CSMD3: variants seen among roughly 807,000 people sequenced by gnomAD.
CSMD3 encodes CUB and sushi domain-containing protein 3.
Under a neutral mutation model 435.2 loss-of-function variants are expected in CSMD3, and 177 were observed. The observed-to-expected ratio is 0.41, with a 90% CI of 0.36 to 0.46. CSMD3 has a LOEUF of 0.46. Ranked by LOEUF, CSMD3 falls within the 20% of genes least tolerant of loss-of-function variation. The probability of loss-of-function intolerance (pLI) is 0.34; values close to 1 mark genes in which losing one functional copy is unlikely to be tolerated. For missense variants in CSMD3, 4,265 were observed against 4,504.6 expected (o/e 0.95, Z 1.52); for synonymous variants, 1,656 against 1,520.5 (o/e 1.09, Z -2.07).
chr8:112,413,195 T>C (rs940875664), intron 32 of CSMD3, among the ~76,000 whole-genome samples: 5 of 152,134 alleles, frequency 3.3e-5, no homozygotes, highest in Non-Finnish European at 2.9e-5. Context: ...TAGTTCATTT[T>C]CTCCCCCATG....
At chr8:112,694,159 C>G (rs1563861341) in intron 13 of CSMD3, among the ~76,000 whole-genome samples, 1 of 151,058 alleles carries the variant, frequency 6.6e-6, no homozygotes, top group African/African-American at 2.4e-5. Context: ...ACTCTGTTTC[C>G]TTGGATTTAA....
chr8:112,449,057 GTTGT>G (rs764060614), intron 32 of CSMD3, among the ~76,000 whole-genome samples: 5 of 151,840 alleles, frequency 3.3e-5, no homozygotes, highest in African/African-American at 7.3e-5. Flanking sequence ...TCTTTGTTTT[GTTGT>G]TTGTTTGTTT....
chr8:112,418,777 C>T (rs13439841), intron 32 of CSMD3, among the ~76,000 whole-genome samples: 34,431 of 151,864 alleles, frequency 0.23, 4,253 homozygotes, highest in East Asian at 0.43. Context: ...ATTAAATATC[C>T]CTAATCCCAA....
At chr8:113,280,720 T>A (rs538101675) in intron 2 of CSMD3, among the ~76,000 whole-genome samples, 1 of 152,162 alleles carries the variant, frequency 6.6e-6, no homozygotes, top group African/African-American at 2.4e-5. Flanking sequence ...TGTTCTTGTT[T>A]CTCTAGTTCC....
At chr8:112,808,597 C>T (rs1429054162) in intron 12 of CSMD3, among the ~76,000 whole-genome samples, 2 of 152,134 alleles carry the variant, frequency 1.3e-5, no homozygotes, top group African/African-American at 4.8e-5. Context: ...CATTTGTGTC[C>T]GGTTGATAGC....
At chr8:113,066,129 G>GAAAAAAAAAAAAAAAAAAA (rs532343282) in intron 5 of CSMD3, among the ~76,000 whole-genome samples, 1 of 49,178 alleles carries the variant, frequency 2.0e-5, no homozygotes, top group Non-Finnish European at 4.4e-5. Context: ...CCAAGAAAAA[G>GAAAAAAAAAAAAAAAAAAA]AAAAAAAAAA....
intron 22 of CSMD3, among the ~76,000 whole-genome samples, chr8:112,623,621 C>T (rs1048225076): frequency 3.0e-5 from 3 of 101,566 alleles, no homozygotes; most frequent in Non-Finnish European, 6.3e-5. Flanking sequence ...CCCACTAACT[C>T]GTCATCTAGC....
intron 1 of CSMD3, among the ~76,000 whole-genome samples, chr8:113,377,777 A>T (rs2094395277): frequency 6.6e-6 from 1 of 152,204 alleles, no homozygotes; most frequent in African/African-American, 2.4e-5. Context: ...TAAGCTTTCA[A>T]CCCAAAATTA....
chr8:113,172,060 T>G (rs2092277528), intron 4 of CSMD3, among the ~76,000 whole-genome samples: 1 of 152,142 alleles, frequency 6.6e-6, no homozygotes, highest in South Asian at 2.1e-4. Context: ...CTATGAGAAT[T>G]AGGGCTTGGG....
At chr8:112,402,591 T>C (rs1831436840) in intron 35 of CSMD3, among the ~76,000 whole-genome samples, 1 of 152,138 alleles carries the variant, frequency 6.6e-6, no homozygotes, top group South Asian at 2.1e-4. Context: ...TCTAAGTCCT[T>C]CTATTTTTAC....
chr8:112,489,662 T>A (rs1267142038), intron 31 of CSMD3, among the ~76,000 whole-genome samples: 1 of 152,166 alleles, frequency 6.6e-6, no homozygotes, highest in Non-Finnish European at 1.5e-5. Flanking sequence ...CTAAATAAAT[T>A]GAAAAGTCAC....
intron 8 of CSMD3, among the ~76,000 whole-genome samples, chr8:112,953,672 AT>A (rs1266375229): frequency 6.6e-5 from 10 of 151,490 alleles, no homozygotes; most frequent in African/African-American, 2.4e-4. Flanking sequence ...TCGATAATTG[AT>A]ATAACTGCTC....
chr8:112,880,253 C>T (rs917550995), intron 10 of CSMD3, among the ~76,000 whole-genome samples: 4 of 151,966 alleles, frequency 2.6e-5, no homozygotes, highest in Non-Finnish European at 5.9e-5. Context: ...TGATCTGTTA[C>T]AATTATTTTT....
At chr8:112,494,494 C>CTTTTCTTTCCTTCTTT (rs377610586) in intron 30 of CSMD3, among the ~76,000 whole-genome samples, 9 of 40,174 alleles carry the variant, frequency 2.2e-4, no homozygotes, top group African/African-American at 7.9e-4. Context: ...TTCTTTCTCT[C>CTTTTCTTTCCTTCTTT]CTTTCTTTCT....
intron 13 of CSMD3, among the ~76,000 whole-genome samples, chr8:112,700,735 A>C (rs2076372380): frequency 1.3e-5 from 2 of 152,082 alleles, no homozygotes; most frequent in Non-Finnish European, 2.9e-5. Context: ...TGCAACATAA[A>C]CTACTATAGC....
intron 32 of CSMD3, among the ~76,000 whole-genome samples, chr8:112,471,472 T>C (rs1818514625): frequency 6.6e-6 from 1 of 152,198 alleles, no homozygotes; most frequent in Non-Finnish European, 1.5e-5. Context: ...AAAGAAATAC[T>C]TTGTAGAGTA....
chr8:113,137,555 G>C (rs998687322), intron 4 of CSMD3, among the ~76,000 whole-genome samples: 24 of 151,426 alleles, frequency 1.6e-4, no homozygotes, highest in Admixed American at 1.3e-3. Flanking sequence ...CAGTATCTGG[G>C]CACCAGCACA....
In CSMD3 at chr8:112,627,126, A is replaced by T. The variant is rs915979855; in HGVS notation, c.3715+9691T>A. Among the ~76,000 whole-genome samples the T allele has an allele frequency of 2.0e-5, 3 of 152,162 alleles. No homozygotes were observed. In the East Asian group the frequency reaches 5.8e-4, roughly 29 times the overall value. ...GTAAAGATATATTAAGCTAAAAACC[A>T]AAATTAGTTTGTCTGATGGCAAAGT... On this transcript the variant is annotated intron_variant, in intron 22 of 70. Transcript: ENST00000297405.
At chr8:113,242,463 A>C (rs2132251768) in intron 3 of CSMD3, among the ~76,000 whole-genome samples, 1 of 152,090 alleles carries the variant, frequency 6.6e-6, no homozygotes, top group South Asian at 2.1e-4. Flanking sequence ...TGTTGTGGGC[A>C]GTGGCCAGAA....
Sources: allele counts gnomAD v4.1 joint callset (sites outside exome capture counted in the v4.1 genomes callset), GRCh38; gene constraint gnomAD v4.1.1; transcripts MANE v1.5; gene names NCBI Gene and HGNC (gene_info 2026-07-23, HGNC 2026-07-21).